The following NCK2 variants were observed in gnomAD, a reference collection of about 807,000 sequenced individuals.
NCK2 encodes cytoplasmic protein NCK2.
Under a neutral mutation model 33.9 loss-of-function variants are expected in NCK2, and 16 were observed. That is an observed-to-expected ratio of 0.47 (90% CI 0.32 to 0.72). The LOEUF is 0.72. Among genes scored for constraint, NCK2 ranks in the 30% least tolerant of loss-of-function variants. NCK2 has a pLI of 0.03. For missense variants in NCK2, 418 were observed against 537.3 expected (o/e 0.78, Z 2.19); for synonymous variants, 273 against 239.9 (o/e 1.14, Z -1.27).
rs1232276751 is a variant in NCK2, at chr2:105,855,305, T to C, written c.226+16T>C. On this transcript the variant is annotated intron_variant, in intron 3 of 4. Transcript: ENST00000233154. ...GACACACTAGGTGAGTGTTTCACCC[T>C]CGAGAGAGGAAGCCTTGTGCATTTC... 1 of 1,563,214 alleles carries C rather than the reference T, an allele frequency of 6.4e-7. No homozygotes were observed. The highest frequency in any genetic ancestry group is 1.3e-5 in the African/African-American group (1 of 74,280).
chr2:105,861,672 A>G (rs1220411485), intron 3 of NCK2, among the ~76,000 whole-genome samples: 1 of 151,632 alleles, frequency 6.6e-6, no homozygotes, highest in East Asian at 1.9e-4. Context: ...GTATCACCAC[A>G]CCCAGCTAAT....
At chr2:105,844,153 G>C (rs1676756714) in intron 2 of NCK2, among the ~76,000 whole-genome samples, 3 of 152,084 alleles carry the variant, frequency 2.0e-5, no homozygotes, top group African/African-American at 7.2e-5. Flanking sequence ...CCTAACGGGT[G>C]GGGGGACATT....
At chr2:105,859,647 G>A (rs1677436906) in intron 3 of NCK2, among the ~76,000 whole-genome samples, 1 of 152,218 alleles carries the variant, frequency 6.6e-6, no homozygotes, top group South Asian at 2.1e-4. Context: ...GGCACCCGTG[G>A]GTGAAATTGA....
chr2:105,809,361 C>T (rs1441067236), intron 1 of NCK2, among the ~76,000 whole-genome samples: 1 of 152,160 alleles, frequency 6.6e-6, no homozygotes, highest in Non-Finnish European at 1.5e-5. Context: ...CAATTTATGC[C>T]CTCACAGTTC....
intron 2 of NCK2, among the ~76,000 whole-genome samples, chr2:105,825,811 A>G (rs1232691971): frequency 6.6e-6 from 1 of 152,196 alleles, no homozygotes; most frequent in Non-Finnish European, 1.5e-5. Flanking sequence ...GTATAACCCA[A>G]AAACCTTTGT....
chr2:105,840,809 G>C (rs1431291402), intron 2 of NCK2, among the ~76,000 whole-genome samples: 2 of 152,202 alleles, frequency 1.3e-5, no homozygotes, highest in African/African-American at 4.8e-5. Flanking sequence ...CAAAAGGGTG[G>C]CTTAGGCCCA....
chr2:105,838,294 G>A (rs1676508979), intron 2 of NCK2, among the ~76,000 whole-genome samples: 1 of 147,822 alleles, frequency 6.8e-6, no homozygotes, highest in African/African-American at 2.6e-5. Context: ...TTTAAATGCT[G>A]GAATTTTATT....
intron 3 of NCK2, among the ~76,000 whole-genome samples, chr2:105,858,097 A>G (rs560318032): frequency 1.4e-5 from 2 of 146,920 alleles, no homozygotes; most frequent in East Asian, 4.0e-4. Flanking sequence ...CAAAGTGTTC[A>G]TGGCTTCCTA....
intron 4 of NCK2, among the ~76,000 whole-genome samples, chr2:105,885,341 A>G (rs1372848047): frequency 6.6e-6 from 1 of 152,224 alleles, no homozygotes; most frequent in Non-Finnish European, 1.5e-5. Context: ...CTCGCTAAGG[A>G]TAATTTAATG....
intron 4 of NCK2, among the ~76,000 whole-genome samples, chr2:105,888,393 TAC>T (rs914279973): frequency 1.3e-5 from 2 of 152,158 alleles, no homozygotes; most frequent in African/African-American, 4.8e-5. Context: ...ACCAAGTAAG[TAC>T]AGTGTTTGGA....
chr2:105,797,152 C>A (rs973097965), intron 1 of NCK2, among the ~76,000 whole-genome samples: 1 of 152,148 alleles, frequency 6.6e-6, no homozygotes. Flanking sequence ...TCTCCCCCAC[C>A]CACAAGAAAA....
chr2:105,853,474 G>A (rs1677142734), intron 2 of NCK2, among the ~76,000 whole-genome samples: 1 of 152,032 alleles, frequency 6.6e-6, no homozygotes, highest in Non-Finnish European at 1.5e-5. Flanking sequence ...ACAGGTGTCC[G>A]CCATTATAGT....
chr2:105,840,057 T>C (rs1676582152), intron 2 of NCK2, among the ~76,000 whole-genome samples: 1 of 151,824 alleles, frequency 6.6e-6, no homozygotes, highest in African/African-American at 2.4e-5. Flanking sequence ...AAAGATCAGG[T>C]TGGGGAGGAA....
chr2:105,774,456 T>C (rs1690239989), intron 1 of NCK2, among the ~76,000 whole-genome samples: 1 of 152,076 alleles, frequency 6.6e-6, no homozygotes, highest in South Asian at 2.1e-4. Flanking sequence ...AAAAATAAAA[T>C]TGATGTATTG....
intron 1 of NCK2, among the ~76,000 whole-genome samples, chr2:105,759,641 C>T (rs1413301943): frequency 6.6e-6 from 1 of 152,100 alleles, no homozygotes. Context: ...TCTAATGAAC[C>T]AGTATTGGTA....
chr2:105,806,102 A>G (rs1275303439), intron 1 of NCK2, among the ~76,000 whole-genome samples: 1 of 151,972 alleles, frequency 6.6e-6, no homozygotes, highest in African/African-American at 2.4e-5. Context: ...TTGCAGCATC[A>G]TGTTAGTGCT....
At chr2:105,884,736 C>A (rs184798562) in intron 4 of NCK2, among the ~76,000 whole-genome samples, 1 of 152,188 alleles carries the variant, frequency 6.6e-6, no homozygotes, top group Non-Finnish European at 1.5e-5. Flanking sequence ...AACAAACGAA[C>A]GAACCTCTTG....
At chr2:105,860,621 C>A (rs907824344) in intron 3 of NCK2, among the ~76,000 whole-genome samples, 2 of 152,006 alleles carry the variant, frequency 1.3e-5, no homozygotes, top group African/African-American at 2.4e-5. Context: ...ACTGGGTGAT[C>A]ACAAACAGTT....
At position 105,805,152 on chromosome 2, in the gene NCK2, C is replaced by T. The variant is rs537864009; in HGVS notation, c.-200-11278C>T. 1.8e-4 allele frequency among the ~76,000 whole-genome samples: 27 copies of T among 152,262 alleles called. No individual in the cohort carries two copies. The South Asian group carries it at 4.4e-3, about 25-fold the overall frequency. On this transcript the variant is annotated intron_variant, in intron 1 of 4. Transcript: ENST00000233154. ...TATAAAATAGTGCTTTTTATGGGCA[C>T]GGAGGCCGGTCTCCTAGAAGAGAGC...
Sources: allele counts gnomAD v4.1 joint callset (sites outside exome capture counted in the v4.1 genomes callset), GRCh38; gene constraint gnomAD v4.1.1; transcripts MANE v1.5; gene names NCBI Gene and HGNC (gene_info 2026-07-23, HGNC 2026-07-21).